CAST: variants seen among roughly 807,000 people sequenced by gnomAD.
The protein encoded by CAST is MIR583 host.
A neutral mutation model predicts 119.6 loss-of-function variants in CAST; 76 were observed. The observed-to-expected ratio is 0.64, with a 90% CI of 0.53 to 0.77. CAST has a LOEUF of 0.77. Among genes scored for constraint, CAST ranks in the 30% least tolerant of loss-of-function variants. The pLI is 0.00. For missense variants in CAST, 953 were observed against 946.5 expected, an observed-to-expected ratio of 1.01 and a Z score of -0.09; for synonymous variants, 319 against 331.6, an observed-to-expected ratio of 0.96 and a Z score of 0.41.
the CAST span, among the ~76,000 whole-genome samples, chr5:95,985,539 TC>T: frequency 1.3e-5 from 2 of 152,302 alleles, no homozygotes. Flanking sequence ...AGTTGAGCTT[TC>T]ATCTTTTGAG....
At chr5:96,560,604 C>T (rs1274435292) in intron 1 of CAST, among the ~76,000 whole-genome samples, 6 of 152,224 alleles carry the variant, frequency 3.9e-5, no homozygotes, top group Non-Finnish European at 7.3e-5. Flanking sequence ...TGAAAAATTG[C>T]TCATCATTAC....
the CAST span, among the ~76,000 whole-genome samples, chr5:95,998,596 C>CT: frequency 1.3e-5 from 2 of 152,132 alleles, no homozygotes; most frequent in African/African-American, 4.8e-5. Context: ...TGATTTCACT[C>CT]TTTTTTATGG....
intron 17 of CAST, 111 bp downstream of exon 17, chr5:96,746,536 T>C: frequency 2.6e-6 from 2 of 768,822 alleles, no homozygotes; most frequent in South Asian, 3.0e-5. Flanking sequence ...CATTCAGATA[T>C]TAACTCTGAA....
At chr5:96,115,927 T>C in the CAST span, among the ~76,000 whole-genome samples, 5 of 151,892 alleles carry the variant, frequency 3.3e-5, no homozygotes, top group African/African-American at 9.6e-5. Context: ...TTCTTTCTTT[T>C]TTTTTTTTTT....
chr5:96,172,858 C>T, the CAST span, among the ~76,000 whole-genome samples: 1 of 152,210 alleles, frequency 6.6e-6, no homozygotes, highest in South Asian at 2.1e-4. Flanking sequence ...TAGCAAAAGC[C>T]TCACTCCCAC....
chr5:96,463,728 C>A, the CAST span, among the ~76,000 whole-genome samples: 1 of 151,768 alleles, frequency 6.6e-6, no homozygotes, highest in African/African-American at 2.4e-5. Flanking sequence ...TTAAATCCCA[C>A]AGATCGATTT....
the CAST span, among the ~76,000 whole-genome samples, chr5:96,092,817 A>G: frequency 6.6e-6 from 1 of 152,220 alleles, no homozygotes; most frequent in Non-Finnish European, 1.5e-5. Flanking sequence ...TTAGAATCAT[A>G]GAAAGAGCTG....
chr5:96,398,871 T>A, the CAST span: 86 of 1,610,846 alleles, frequency 5.3e-5, 1 homozygote, highest in Admixed American at 2.3e-4. Flanking sequence ...AGAACTTTTT[T>A]AATTTACCAG....
chr5:96,288,528 A>G, the CAST span, among the ~76,000 whole-genome samples: 5 of 152,216 alleles, frequency 3.3e-5, no homozygotes, highest in Admixed American at 3.3e-4. Context: ...TAGTAATTAC[A>G]TAATTTGAAC....
chr5:96,462,069 C>T, the CAST span, among the ~76,000 whole-genome samples: 1 of 152,118 alleles, frequency 6.6e-6, no homozygotes, highest in Admixed American at 6.6e-5. Context: ...GATGCCAGTT[C>T]TGTGAATGAA....
chr5:95,961,474 G>C, the CAST span: 1 of 1,318,614 alleles, frequency 7.6e-7, no homozygotes, highest in Non-Finnish European at 9.8e-7. Context: ...GACGGTAGCA[G>C]CTGCCAGCCA....
the CAST span, among the ~76,000 whole-genome samples, chr5:96,429,874 T>C: frequency 6.6e-6 from 1 of 152,210 alleles, no homozygotes; most frequent in East Asian, 1.9e-4. Context: ...GTGATGCTTC[T>C]ATTTTACACA....
At chr5:96,548,984 C>T (rs900979276) in intron 1 of CAST, among the ~76,000 whole-genome samples, 2 of 152,152 alleles carry the variant, frequency 1.3e-5, no homozygotes, top group African/African-American at 2.4e-5. Context: ...GACCCACATG[C>T]TACTGGCCAC....
At chr5:96,624,834 T>A (rs77295984) in intron 1 of CAST, among the ~76,000 whole-genome samples, 324 of 152,342 alleles carry the variant, frequency 2.1e-3, no homozygotes, top group African/African-American at 7.3e-3. Context: ...TCATTCTGTT[T>A]GTGTAGCTTT....
At chr5:96,671,147 A>AT (rs548697775) in intron 1 of CAST, among the ~76,000 whole-genome samples, 1 of 151,814 alleles carries the variant, frequency 6.6e-6, no homozygotes, top group East Asian at 1.9e-4. Flanking sequence ...CCTTGATCTG[A>AT]TTTTTTTCTC....
In CAST at chr5:96,746,376, G is replaced by A; in HGVS notation, c.1235G>A (p.Gly412Asp). 6.2e-7 allele frequency: 1 copy of A among 1,612,944 alleles called. No individual in the cohort carries two copies. Among genetic ancestry groups the A allele is most frequent in the Non-Finnish European group, 8.5e-7 (1 of 1,178,902 alleles). Residue 412 changes from glycine (G) to aspartate (D), a missense_variant, in exon 17 of 32, where the codon GGT (glycine) becomes GAT (aspartate). By Grantham distance (94) the Gly-to-Asp change is moderately conservative. Transcript: ENST00000675179. ...AAAGAAGAAAAACTAGAGAAGTGTGGTGAGGATGATGAAACAATCCCATCT... is the reference window on the plus strand; with the variant it reads ...AAAGAAGAAAAACTAGAGAAGTGTGATGAGGATGATGAAACAATCCCATCT... ...KAKEEKLEKCGEDDETIPSEY... is the reference protein window; with the variant it reads ...KAKEEKLEKCDEDDETIPSEY...
At chr5:96,760,235 TAACA>T (rs778134223) in intron 24 of CAST, among the ~76,000 whole-genome samples, 4 of 151,954 alleles carry the variant, frequency 2.6e-5, no homozygotes, top group Admixed American at 2.0e-4. Context: ...ACATAGAATA[TAACA>T]AACAGTTAAA....
intron 6 of CAST, chr5:96,728,661 T>G (rs1759793146): frequency 6.6e-6 from 1 of 152,470 alleles, no homozygotes; most frequent in Non-Finnish European, 1.5e-5. Context: ...GTATTTTTAG[T>G]AGAGACGGGG....
the CAST span, among the ~76,000 whole-genome samples, chr5:96,137,263 G>C: frequency 4.6e-5 from 7 of 152,138 alleles, no homozygotes; most frequent in East Asian, 1.9e-4. Context: ...TGGAATCATA[G>C]AGTAAGTCTT....
Sources: gnomAD v4.1 joint callset for allele counts (sites outside exome capture counted in the v4.1 genomes callset) on GRCh38, gnomAD v4.1.1 for gene constraint, MANE v1.5 for transcripts, NCBI Gene and HGNC (gene_info 2026-07-23, HGNC 2026-07-21) for gene names.